Variants in FLNA observed in about 807,000 individuals in gnomAD.
FLNA encodes filamin-A.
Under a neutral mutation model 157.6 loss-of-function variants are expected in FLNA, and 7 were observed. The observed-to-expected ratio is 0.04, with a 90% CI of 0.03 to 0.08. The LOEUF is 0.08. Ranked by LOEUF, FLNA falls within the 10% of genes least tolerant of loss-of-function variation. The pLI, the probability that FLNA is intolerant of heterozygous loss-of-function variation, is 1.00. For synonymous variants in FLNA, 1,103 were observed against 1,060.8 expected (o/e 1.04, Z -0.77); for missense variants, 1,750 against 2,398.4 (o/e 0.73, Z 5.65).
chrX:154,349,245 G>T, intron 47 of FLNA, 117 bp downstream of exon 47: 1 of 833,357 alleles, frequency 1.2e-6, no homozygotes, highest in Non-Finnish European at 1.8e-6. Context: ...CAGGGAGGTG[G>T]CTCTAGAAGT....
At chrX:154,361,592 G>GGA (rs1569551727) in intron 20 of FLNA, 22 bp from the exon 21 acceptor site, 2 of 1,211,548 alleles carry the variant, frequency 1.7e-6, no homozygotes, top group Admixed American at 4.3e-5. Flanking sequence ...ATGAAAGGAA[G>GGA]GAGAGAGACA....
At chrX:154,370,067 G>A (rs1395599377) in intron 2 of FLNA, among the ~76,000 whole-genome samples, 1 of 111,791 alleles carries the variant, frequency 8.9e-6, no homozygotes, top group Non-Finnish European at 1.9e-5. Flanking sequence ...AGCAGGCCTG[G>A]TCAATGCCAG....
Position 154,364,290 on chromosome X carries a change from C to T in FLNA, c.2105G>A (p.Gly702Asp). 4 of 1,211,231 alleles carry T rather than the reference C, an allele frequency of 3.3e-6. No homozygotes were observed. Among genetic ancestry groups the T allele is most frequent in the East Asian group, 3.0e-5 (1 of 33,824 alleles). Residue 702 changes from glycine (G) to aspartate (D), a missense_variant, in exon 14 of 48, where the codon GGT (glycine) becomes GAT (aspartate). Gly to Asp is a moderately conservative substitution (Grantham distance 94). Transcript: ENST00000369850. ...TTGGACCCGAAGTGGGGCCTTGCCA[C>T]CGTGCTTGGCATCCACTGTGAACTC... is the stretch of plus-strand genomic sequence containing the variant. Reference protein sequence around the residue: ...PAEFTVDAKHGGKAPLRVQVQ... With the variant: ...PAEFTVDAKHDGKAPLRVQVQ...
chrX:154,369,534 C>T (rs1209702333), intron 2 of FLNA, among the ~76,000 whole-genome samples: 1 of 101,487 alleles, frequency 9.9e-6, no homozygotes, highest in Admixed American at 1.0e-4. Context: ...GCCCCTGGGC[C>T]AGCCAACCCC....
Position 154,351,701 on chromosome X carries a change from G to T in FLNA, c.6908-5C>A. On this transcript the variant is annotated splice_polypyrimidine_tract_variant and splice_region_variant and intron_variant, in intron 42 of 47. Coordinates refer to ENST00000369850, the MANE Select transcript of FLNA (RefSeq NM_001110556.2). ...TGACTGAGACTTCGTAGTCACCTGG[G>T]CAGGGAAAGAGTGTAAGACCGGCTC... 8.5e-7 allele frequency: 1 copy of T among 1,175,590 alleles called. No homozygotes were observed.
In FLNA at chrX:154,351,576, C is replaced by G; in HGVS notation, c.7023+5G>C. 8.4e-7 allele frequency: 1 copy of G among 1,185,074 alleles called. No homozygotes were observed. The highest frequency in any genetic ancestry group is 1.1e-6 in the Non-Finnish European group (1 of 871,664). ...CCAGGTGGGCGGTTTCTCTCGGTGC[C>G]TCACCTGAAGGCTAGAAACAGTGAG... On this transcript the variant is annotated splice_donor_5th_base_variant and intron_variant, in intron 43 of 47. Transcript: ENST00000369850.
intron 30 of FLNA, among the ~76,000 whole-genome samples, chrX:154,356,437 G>A (rs981839438): frequency 9.9e-5 from 11 of 111,547 alleles, no homozygotes; most frequent in Non-Finnish European, 2.1e-4. Context: ...GCGCACACAC[G>A]CCTGTCACAC....
rs375963270 is a variant in FLNA at position 154,352,484 on chromosome X, G to T, written c.6503-37C>A. ...GGATGGGCTAGTGAGCAGCAGCCCT[G>T]GGCTCCACCCCTCCTCTTGGGGCTG... On this transcript the variant is annotated intron_variant, in intron 40 of 47. Transcript: ENST00000369850. 3.3e-6 allele frequency: 4 copies of T among 1,210,128 alleles called. No individual in the cohort carries two copies. In the African/African-American group the frequency reaches 7.0e-5, roughly 21 times the overall value.
chrX:154,350,862 G>A, intron 44 of FLNA, 47 bp downstream of exon 44: 1 of 1,199,127 alleles, frequency 8.3e-7, no homozygotes, highest in East Asian at 3.0e-5. Context: ...CTCTCAGCCT[G>A]CTTCCAGCCA....
chrX:154,356,315 CCT>C (rs1223998809), intron 30 of FLNA, among the ~76,000 whole-genome samples: 4 of 111,806 alleles, frequency 3.6e-5, no homozygotes, highest in Non-Finnish European at 5.7e-5. Context: ...CCCCGGGCTC[CCT>C]GTCTCCATTC....
chrX:154,348,747 C>T lies in FLNA; in HGVS notation c.*102G>A, dbSNP rs1439246195. 3.9e-6 allele frequency: 3 copies of T among 760,919 alleles called. No individual in the cohort carries two copies. Among genetic ancestry groups the T allele is most frequent in the Admixed American group, 3.5e-5 (1 of 28,294 alleles). 62.7% of individuals were successfully genotyped at this position (760,919 alleles called of 1,213,427 possible). A position where few individuals can be genotyped will look rare whatever the true frequency, so the allele number is the denominator to read the frequency against. On this transcript the variant is annotated 3_prime_UTR_variant, in exon 48 of 48. Transcript: ENST00000369850. ...GGGCAGGGGCGGCTGCAGTGACAGG[C>T]GGGCGGCCAGGGCGGCCTGGGCCGG...
rs1222551110 is a variant in FLNA at position 154,352,444 on chromosome X, A to G, written c.6506T>C (p.Ile2169Thr). The G allele has an allele frequency of 1.7e-6, 2 of 1,210,226 alleles. No homozygotes were observed. Among genetic ancestry groups the G allele is most frequent in the African/African-American group, 3.5e-5 (2 of 57,462 alleles). The change falls in exon 41 of 48, where the codon ATT becomes ACT. Residue 2169 changes from isoleucine to threonine, a missense_variant. By Grantham distance (89) the Ile-to-Thr change is moderately conservative. Around this residue, in one of 5 missense-constraint regions of FLNA, gnomAD observed 970 missense variants for 1,302.6 expected, o/e 0.74. Transcript: ENST00000369850. ...HCDLSLKIPEISIQDMTAQVT... is the reference protein window; with the variant it reads ...HCDLSLKIPETSIQDMTAQVT... ...CTGGGCTGTCATATCCTGGATGCTA[A>G]TTTCTGCAGGGTGGGGATGGGCTAG...
intron 36 of FLNA, 26 bp from the exon 37 acceptor site, chrX:154,353,483 T>C (rs1557176227): frequency 8.3e-7 from 1 of 1,211,017 alleles, no homozygotes; most frequent in Non-Finnish European, 1.1e-6. Context: ...CAGCCATCAG[T>C]GTGCGTCCAG....
In FLNA at chrX:154,365,218, C is replaced by G. The variant is rs782067087; in HGVS notation, c.1609G>C (p.Val537Leu). 5.0e-6 allele frequency: 6 copies of G among 1,211,501 alleles called. No homozygotes were observed. The highest frequency in any genetic ancestry group is 6.7e-6 in the Non-Finnish European group (6 of 895,149). Reference sequence around the variant, plus strand: ...ATGGGGTAATACTCGAAGCCATACACGCCATCCCCCAGGTCCTTCTGCTTC... The same window carrying G: ...ATGGGGTAATACTCGAAGCCATACAGGCCATCCCCCAGGTCCTTCTGCTTC... ...RVKQKDLGDG[V>L]YGFEYYPMVP... Residue 537 changes from valine to leucine, a missense_variant, in exon 11 of 48, where the codon GTG becomes CTG. Coordinates refer to ENST00000369850, the MANE Select transcript of FLNA (RefSeq NM_001110556.2).
chrX:154,352,481 C>T (rs782062929), intron 40 of FLNA, 34 bp from the exon 41 acceptor site: 1 of 1,211,484 alleles, frequency 8.3e-7, no homozygotes, highest in Non-Finnish European at 1.1e-6. Context: ...GAGCAGCAGC[C>T]CTGGGCTCCA....
chrX:154,371,266 G>C lies in FLNA; in HGVS notation c.-21C>G, dbSNP rs782455612. 163 of 1,196,769 alleles carry C rather than the reference G, an allele frequency of 1.4e-4. 1 individual carries two copies. In the South Asian group the frequency reaches 2.0e-3, roughly 15 times the overall value. ...CTCATTTTGAGGCGCGAGAAGCCGG[G>C]GGGGCGGTGCTGCAGCCTCGGCGAG... On this transcript the variant is annotated 5_prime_UTR_variant, in exon 2 of 48. Coordinates refer to ENST00000369850, the MANE Select transcript of FLNA (RefSeq NM_001110556.2).
Position 154,363,510 on chromosome X carries a change from C to T in FLNA, c.2280+512G>A, listed in dbSNP as rs782656303. Reference sequence around the variant, plus strand: ...TGGGCAGATCACAAGGTCAGGAGATCGACACCATCCTGGCTAACACAGTGA... The same window carrying T: ...TGGGCAGATCACAAGGTCAGGAGATTGACACCATCCTGGCTAACACAGTGA... On this transcript the variant is annotated intron_variant, in intron 15 of 47. Transcript: ENST00000369850. 6.4e-5 allele frequency among the ~76,000 whole-genome samples: 7 copies of T among 110,213 alleles called. No homozygotes were observed. The East Asian group carries it at 1.4e-3, about 22-fold the overall frequency.
At chrX:154,358,687 C>G in intron 26 of FLNA, 119 bp from the exon 27 acceptor site, 2 of 944,268 alleles carry the variant, frequency 2.1e-6, no homozygotes, top group Non-Finnish European at 3.0e-6. Flanking sequence ...CCTCATCCAC[C>G]CGACCCTGGG....
rs782525912 is a variant in FLNA at position 154,360,304 on chromosome X, T to C, written c.3491A>G (p.Lys1164Arg). The C allele has an allele frequency of 5.0e-6, 6 of 1,211,048 alleles. No homozygotes were observed. The East Asian group carries it at 1.5e-4, about 30-fold the overall frequency. Residue 1164 changes from lysine to arginine, a missense_variant, in exon 22 of 48, where the codon AAG (lysine) becomes AGG (arginine). Around this residue, in one of 5 missense-constraint regions of FLNA, gnomAD observed 648 missense variants for 805.8 expected, o/e 0.80. Transcript: ENST00000369850. ...VVPCFDASKV[K>R]CSGPGLERAT... ...CCGCTCCAGCCCGGGGCCTGAGCAC[T>C]TGACTTTGGATGCGTCAAAGCAGGG...
Sources: allele counts gnomAD v4.1 joint callset (sites outside exome capture counted in the v4.1 genomes callset), GRCh38; gene constraint gnomAD v4.1.1; regional missense constraint gnomAD v4.1.1; transcripts MANE v1.5; gene names NCBI Gene and HGNC (gene_info 2026-07-23, HGNC 2026-07-21).